XPNPEP2: variants seen among roughly 807,000 people sequenced by gnomAD.
XPNPEP2 encodes the protein X-prolyl aminopeptidase 2, also known as xaa-Pro aminopeptidase 2.
A neutral mutation model predicts 59.8 loss-of-function variants in XPNPEP2; 64 were observed. That is an observed-to-expected ratio of 1.07 (90% CI 0.87 to 1.32). XPNPEP2 has a LOEUF of 1.32. XPNPEP2 is among the 40% of genes most tolerant of loss of function. The probability of loss-of-function intolerance (pLI) is 0.00; values close to 1 mark genes in which losing one functional copy is unlikely to be tolerated. For missense variants in XPNPEP2, 575 were observed against 546.8 expected (o/e 1.05, Z -0.51); for synonymous variants, 235 against 210.0 (o/e 1.12, Z -1.03).
At chrX:129,768,050 C>T (rs745391455) in intron 20 of XPNPEP2, among the ~76,000 whole-genome samples, 6 of 111,361 alleles carry the variant, frequency 5.4e-5, no homozygotes, top group South Asian at 3.8e-4. Context: ...CTCCCATTCC[C>T]GGGCCTGAAA....
At chrX:129,766,502 C>A (rs1036290542) in intron 19 of XPNPEP2, among the ~76,000 whole-genome samples, 3 of 110,727 alleles carry the variant, frequency 2.7e-5, no homozygotes, top group Admixed American at 1.9e-4. Context: ...CCATCCATTG[C>A]ACCTGGCCTC....
rs761014996 is a variant in XPNPEP2 at position 129,762,119 on chromosome X, C to T, written c.1663+54C>T. The stretch of plus-strand genomic sequence containing the variant: ...CACCCCATCCCAGAGCAGGACTAGC[C>T]CAGGACTGCAGTCTAGAGTGTACCA... On this transcript the variant is annotated intron_variant, in intron 18 of 20. Transcript: ENST00000371106. The T allele has an allele frequency of 1.5e-5, 17 of 1,150,184 alleles. No individual in the cohort carries two copies. The East Asian group carries it at 5.1e-4, about 34-fold the overall frequency. 94.8% of individuals were successfully genotyped at this position (1,150,184 alleles called of 1,213,427 possible).
intron 3 of XPNPEP2, among the ~76,000 whole-genome samples, chrX:129,744,713 A>G (rs749896384): frequency 8.9e-6 from 1 of 112,557 alleles, no homozygotes; most frequent in South Asian, 3.6e-4. Flanking sequence ...CCTCTTCTGC[A>G]AAGAGAAATG....
intron 1 of XPNPEP2, among the ~76,000 whole-genome samples, chrX:129,740,618 G>T (rs1202630810): frequency 2.0e-4 from 19 of 96,354 alleles, no homozygotes; most frequent in Non-Finnish European, 3.4e-4. Context: ...AAAAGAAGGA[G>T]ACTCCATCTC....
chrX:129,766,395 C>T (rs181204735), intron 19 of XPNPEP2, among the ~76,000 whole-genome samples: 19 of 111,984 alleles, frequency 1.7e-4, no homozygotes, highest in African/African-American at 4.9e-4. Flanking sequence ...AGAGTAGAGA[C>T]GGGGTTTCAC....
In XPNPEP2 at chrX:129,764,963, C is replaced by G. The variant is rs576600716; in HGVS notation, c.1740+2193C>G. Among the ~76,000 whole-genome samples, 16 of 110,328 alleles carry G rather than the reference C, an allele frequency of 1.5e-4. 1 individual carries two copies. The highest frequency in any genetic ancestry group is 5.0e-4 in the African/African-American group (15 of 30,297). On this transcript the variant is annotated intron_variant, in intron 19 of 20. Transcript: ENST00000371106. ...TGGGCGACAGAGCGAGAATCTGTCT[C>G]TAAAAAAAGAAGAAGGAAAAGAAAG...
rs1737129 is a variant in XPNPEP2, at chrX:129,750,017, C to T, written c.638-451C>T. 9.8e-4 allele frequency among the ~76,000 whole-genome samples: 111 copies of T among 112,956 alleles called. 1 individual carries two copies. In the East Asian group the frequency reaches 0.028, roughly 29 times the overall value. ...GAGAAAGTTGAACACGGCCCCAGCC[C>T]TACCCCTTTGTCCTTCAACTAGGAC... On this transcript the variant is annotated intron_variant, in intron 7 of 20. Transcript: ENST00000371106.
chrX:129,762,878 G>A, intron 19 of XPNPEP2, 108 bp downstream of exon 19: 3 of 680,104 alleles, frequency 4.4e-6, no homozygotes, highest in East Asian at 6.5e-5. Context: ...CATTTAGTGT[G>A]CAGGCATGAA....
chrX:129,740,666 G>A (rs1406902111), intron 1 of XPNPEP2, among the ~76,000 whole-genome samples: 3 of 106,880 alleles, frequency 2.8e-5, no homozygotes, highest in Admixed American at 9.9e-5. Context: ...GGCGTTGGGC[G>A]CAGTGGCTCA....
chrX:129,742,217 G>GGCCCCACGCACCCCCCCACCCCT, intron 2 of XPNPEP2, 36 bp downstream of exon 2: 1 of 825,036 alleles, frequency 1.2e-6, no homozygotes, highest in South Asian at 2.7e-5. Flanking sequence ...CGGCCCCCCT[G>GGCCCCACGCACCCCCCCACCCCT]GCCCCACGCA....
At chrX:129,746,821 A>G in intron 6 of XPNPEP2, 140 bp downstream of exon 6, 1 of 523,579 alleles carries the variant, frequency 1.9e-6, no homozygotes, top group East Asian at 3.4e-5. Flanking sequence ...GTAGTTGCAG[A>G]ATGTTTTGCA....
intron 2 of XPNPEP2, 38 bp downstream of exon 2, chrX:129,742,219 C>T (rs1482276661): frequency 2.0e-5 from 14 of 692,710 alleles, no homozygotes; most frequent in Admixed American, 1.0e-4. Flanking sequence ...GCCCCCCTGG[C>T]CCCACGCACC....
chrX:129,740,482 C>T (rs192694611), intron 1 of XPNPEP2, among the ~76,000 whole-genome samples: 53 of 109,189 alleles, frequency 4.9e-4, no homozygotes, highest in African/African-American at 1.6e-3. Flanking sequence ...CAAAAATTAG[C>T]CAGGCATGGT....
intron 1 of XPNPEP2, 113 bp downstream of exon 1, chrX:129,739,375 T>A: frequency 1.2e-6 from 1 of 813,437 alleles, no homozygotes; most frequent in Non-Finnish European, 1.8e-6. Flanking sequence ...GCTTCCTCTC[T>A]CTGACTTGAG....
At chrX:129,767,520 G>T in intron 19 of XPNPEP2, 83 bp from the exon 20 acceptor site, 1 of 972,110 alleles carries the variant, frequency 1.0e-6, no homozygotes, top group East Asian at 3.1e-5. Context: ...TCCTCCGGGT[G>T]GAGTGCTCCT....
chrX:129,752,054 C>T, intron 9 of XPNPEP2, 96 bp from the exon 10 acceptor site: 1 of 1,067,288 alleles, frequency 9.4e-7, no homozygotes, highest in Non-Finnish European at 1.3e-6. Flanking sequence ...GGCTGGCTTC[C>T]TTTGACCTCC....
In XPNPEP2 at chrX:129,750,565, G is replaced by A. The variant is rs188969466; in HGVS notation, c.735G>A (p.Thr245=). The A allele has an allele frequency of 1.2e-5, 14 of 1,178,909 alleles. No individual in the cohort carries two copies. Among genetic ancestry groups the A allele is most frequent in the African/African-American group, 7.0e-5 (4 of 56,851 alleles). The change falls in exon 8 of 21, where the codon ACG becomes ACA. Residue 245 remains threonine, a synonymous_variant. Coordinates refer to ENST00000371106, the MANE Select transcript of XPNPEP2 (RefSeq NM_003399.6). ...TAVLLSALEE[T]AWLFNLRASD... ...TCCTTCTGTCGGCGCTTGAGGAGAC[G>A]GCCTGTGAGTGTGGATTTGCAGACA... is the stretch of plus-strand genomic sequence containing the variant.
At position 129,743,845 on chromosome X, in the gene XPNPEP2, G is replaced by T. The variant is rs1016444445; in HGVS notation, c.124-116G>T. On this transcript the variant is annotated intron_variant, in intron 2 of 20. Transcript: ENST00000371106. ...CAGGCCAGCCTAACTTCCCCCAACCGCTGCTTCAGGAGAGGCTGGGGGCTC... is the reference window on the plus strand; with the variant it reads ...CAGGCCAGCCTAACTTCCCCCAACCTCTGCTTCAGGAGAGGCTGGGGGCTC... 4 of 632,150 alleles carry T rather than the reference G, an allele frequency of 6.3e-6. No homozygotes were observed. The Admixed American group carries it at 1.1e-4, about 17-fold the overall frequency. The allele number at this position is 632,150 out of a possible 1,213,427, so 52.1% of individuals were successfully genotyped here.
chrX:129,759,288 A>T lies in XPNPEP2; in HGVS notation c.1428+48A>T, dbSNP rs778791693. On this transcript the variant is annotated intron_variant, in intron 15 of 20. Coordinates refer to ENST00000371106, the MANE Select transcript of XPNPEP2 (RefSeq NM_003399.6). ...CCTCACCACCTTCCCCCAAGGGGGC[A>T]CCCAAGCAGTCAAGATCCCTTCCAT... 2.5e-6 allele frequency: 3 copies of T among 1,187,428 alleles called. No homozygotes were observed. In the African/African-American group the frequency reaches 5.3e-5, roughly 21 times the overall value.
Sources: gnomAD v4.1 joint callset for allele counts (sites outside exome capture counted in the v4.1 genomes callset) on GRCh38, gnomAD v4.1.1 for gene constraint, MANE v1.5 for transcripts, NCBI Gene and HGNC (gene_info 2026-07-23, HGNC 2026-07-21) for gene names.